MOV10L1: variants seen among roughly 807,000 people sequenced by gnomAD.
MOV10L1 encodes RNA helicase Mov10l1.
In MOV10L1, 110 loss-of-function variants were observed where a neutral mutation model predicts 143.8. The ratio of observed to expected loss-of-function variants is 0.76; its 90% CI spans 0.66 to 0.90. MOV10L1 has a LOEUF of 0.90. Ranked by LOEUF, MOV10L1 falls within the 40% of genes least tolerant of loss-of-function variation. The probability of loss-of-function intolerance (pLI) is 0.00; values close to 1 mark genes in which losing one functional copy is unlikely to be tolerated. For missense variants in MOV10L1, 1,406 were observed against 1,526.8 expected (o/e 0.92, Z 1.32); for synonymous variants, 593 against 581.1 (o/e 1.02, Z -0.29).
chr22:50,159,731 T>A lies in MOV10L1; in HGVS notation c.3270T>A (p.Val1090=). The part of the protein sequence containing the change: ...LRNVDLMDIK[V]GSVEEFQGQE... ...ATGTTGATCTGATGGATATAAAGGT[T>A]GGATCAGTAGAGGAGTTTCAAGGAC... Residue 1090 remains valine (V), a synonymous_variant, in exon 24 of 27, where the codon GTT becomes GTA. Coordinates refer to ENST00000262794, the MANE Select transcript of MOV10L1 (RefSeq NM_018995.3). This position sits in a 1 kb window ranked among gnomAD's most constrained non-coding sequence, Gnocchi z 4.1. 6.2e-7 allele frequency: 1 copy of A among 1,613,658 alleles called. No individual in the cohort carries two copies. Among genetic ancestry groups the A allele is most frequent in the Non-Finnish European group, 8.5e-7 (1 of 1,179,772 alleles).
At chr22:50,115,279 T>A in intron 8 of MOV10L1, 33 bp downstream of exon 8, 1 of 1,462,614 alleles carries the variant, frequency 6.8e-7, no homozygotes, top group Non-Finnish European at 9.0e-7. Context: ...AGAGCCGCGT[T>A]TTTAAGTTTC....
At chr22:50,161,161 T>C (rs2063550906) in intron 26 of MOV10L1, 106 bp downstream of exon 26, 1 of 1,246,370 alleles carries the variant, frequency 8.0e-7, no homozygotes, top group African/African-American at 1.5e-5. Context: ...ACCTGCAGCC[T>C]TAGCCCTCTG....
intron 6 of MOV10L1, 152 bp downstream of exon 6, chr22:50,113,940 A>C (rs2062095131): frequency 1.4e-6 from 1 of 704,686 alleles, no homozygotes; most frequent in African/African-American, 2.5e-5. Flanking sequence ...TTTTTTTGAG[A>C]CAGCGTCTTG....
chr22:50,130,086 G>A (rs2062627779), intron 13 of MOV10L1, among the ~76,000 whole-genome samples: 2 of 152,090 alleles, frequency 1.3e-5, no homozygotes, highest in South Asian at 2.1e-4. Flanking sequence ...GACCAGCCTG[G>A]CCAACATGGG....
intron 1 of MOV10L1, 160 bp downstream of exon 1, chr22:50,090,345 G>T (rs1231388543): frequency 6.0e-6 from 9 of 1,506,170 alleles, no homozygotes; most frequent in Non-Finnish European, 6.2e-6. Flanking sequence ...TTCGCCTCAG[G>T]AGGCTTCCGA....
chr22:50,143,148 GTCCCC>G lies in MOV10L1; in HGVS notation c.2290_2294del (p.Leu764ValfsTer42), dbSNP rs755307753. 2 of 1,614,032 alleles carry G rather than the reference GTCCCC, an allele frequency of 1.2e-6. No homozygotes were observed. Among genetic ancestry groups the G allele is most frequent in the Non-Finnish European group, 8.5e-7 (1 of 1,179,940 alleles). ...AAAAGGATTCTGAGTGGTGACTGCCGTCCCCTCCCGTATATTCTCTTTGGACCTCC... is the reference window on the plus strand; with the variant it reads ...AAAAGGATTCTGAGTGGTGACTGCCGTCCCGTATATTCTCTTTGGACCTCC... On this transcript the variant is annotated frameshift_variant, in exon 17 of 27. Transcript: ENST00000262794. LOFTEE classifies it high-confidence loss of function.
chr22:50,104,602 A>C (rs1419224575), intron 3 of MOV10L1, among the ~76,000 whole-genome samples: 1 of 152,126 alleles, frequency 6.6e-6, no homozygotes, highest in Non-Finnish European at 1.5e-5. Context: ...TGGTTAACAG[A>C]GTGATTTTAT....
intron 9 of MOV10L1, 122 bp downstream of exon 9, chr22:50,117,473 G>A (rs2062214127): frequency 1.0e-6 from 1 of 1,000,968 alleles, no homozygotes; most frequent in Admixed American, 2.7e-5. Context: ...GGATGAAGCT[G>A]GGGTTCAAGC....
At chr22:50,121,397 G>A (rs953258890) in intron 10 of MOV10L1, among the ~76,000 whole-genome samples, 9 of 152,158 alleles carry the variant, frequency 5.9e-5, no homozygotes, top group South Asian at 2.1e-4. Flanking sequence ...TCTGGCAGAC[G>A]CCCCAGTGGC....
chr22:50,103,056 G>C (rs2061785658), intron 3 of MOV10L1, among the ~76,000 whole-genome samples: 1 of 152,216 alleles, frequency 6.6e-6, no homozygotes, highest in Non-Finnish European at 1.5e-5. Flanking sequence ...CGGGAGGAGG[G>C]TCCAGGTAAT....
intron 3 of MOV10L1, among the ~76,000 whole-genome samples, chr22:50,104,476 A>G (rs777358915): frequency 1.6e-4 from 24 of 152,224 alleles, no homozygotes; most frequent in Non-Finnish European, 3.1e-4. Context: ...ACGGCCCCTC[A>G]CAGCCGGAGC....
At chr22:50,128,272 C>T (rs1403184288) in intron 12 of MOV10L1, 144 bp from the exon 13 acceptor site, 14 of 589,154 alleles carry the variant, frequency 2.4e-5, no homozygotes, top group South Asian at 1.6e-4. Context: ...AATCGAATGG[C>T]GTAATGATTT....
rs774506338 is a variant in MOV10L1 at position 50,092,032 on chromosome 22, C to T, written c.129C>T (p.Val43=). 43 of 1,613,968 alleles carry T rather than the reference C, an allele frequency of 2.7e-5. No individual in the cohort carries two copies. The highest frequency in any genetic ancestry group is 3.3e-4 in the Middle Eastern group (2 of 6,062). Residue 43 remains valine, a synonymous_variant, in exon 2 of 27, where the codon GTC becomes GTT. Coordinates refer to ENST00000262794, the MANE Select transcript of MOV10L1 (RefSeq NM_018995.3). ...CTAAGCTGAAAACTGTACGGGGTGT[C>T]GTGACAAGGTACTGCAGCGATTATG... ...GDTKLKTVRG[V]VTRYCSDYGM...
chr22:50,155,263 G>GTTTTT (rs199534596), intron 22 of MOV10L1, among the ~76,000 whole-genome samples: 1 of 137,854 alleles, frequency 7.3e-6, no homozygotes, highest in Non-Finnish European at 1.6e-5. Flanking sequence ...TGTTTTGTGG[G>GTTTTT]TTTTTTTTTT....
At chr22:50,161,304 G>A (rs528692417) in intron 26 of MOV10L1, 64 bp from the exon 27 acceptor site, 4 of 1,353,486 alleles carry the variant, frequency 3.0e-6, no homozygotes, top group Non-Finnish European at 4.0e-6. Flanking sequence ...TGGGAAAAGA[G>A]TGCAGCTCCC....
intron 2 of MOV10L1, among the ~76,000 whole-genome samples, chr22:50,096,932 T>C (rs940612928): frequency 1.3e-5 from 2 of 152,226 alleles, no homozygotes; most frequent in Admixed American, 1.3e-4. Context: ...GTCTTTTCAC[T>C]TTCTTCATGG....
chr22:50,144,106 G>C lies in MOV10L1; in HGVS notation c.2368G>C (p.Ala790Pro), dbSNP rs770497573. 6.2e-7 allele frequency: 1 copy of C among 1,608,878 alleles called. No individual in the cohort carries two copies. The highest frequency in any genetic ancestry group is 8.5e-7 in the Non-Finnish European group (1 of 1,175,554). Residue 790 changes from alanine (A) to proline (P), a missense_variant, in exon 18 of 27, where the codon GCC becomes CCC. By Grantham distance (27) the Ala-to-Pro change is conservative. Around this residue, in one of 3 missense-constraint regions of MOV10L1, gnomAD observed 1,233 missense variants for 1,351.4 expected, o/e 0.91. Transcript: ENST00000262794. Reference sequence around the variant, plus strand: ...TGTGTCTTTGATGAAGGTACACTTTGCCTTGCCGGACAGTCGGATTTTAGT... The same window carrying C: ...TGTGTCTTTGATGAAGGTACACTTTCCCTTGCCGGACAGTCGGATTTTAGT... ...IIEAVLQVHFALPDSRILVCA... is the reference protein window; with the variant it reads ...IIEAVLQVHFPLPDSRILVCA...
At chr22:50,090,478 G>A (rs1490802191) in intron 1 of MOV10L1, 2 of 1,610,328 alleles carry the variant, frequency 1.2e-6, no homozygotes, top group East Asian at 2.2e-5. Context: ...GTCTCTCCAT[G>A]TCGTTCCTCC....
intron 9 of MOV10L1, among the ~76,000 whole-genome samples, chr22:50,117,740 G>A (rs899272322): frequency 1.3e-5 from 2 of 152,174 alleles, no homozygotes; most frequent in Non-Finnish European, 2.9e-5. Flanking sequence ...CGCACTGGGG[G>A]CAACAGGATT....
Sources: allele counts gnomAD v4.1 joint callset (sites outside exome capture counted in the v4.1 genomes callset), GRCh38; gene constraint gnomAD v4.1.1; regional missense constraint gnomAD v4.1.1; non-coding constraint Gnocchi (gnomAD v3.1); transcripts MANE v1.5; gene names NCBI Gene and HGNC (gene_info 2026-07-23, HGNC 2026-07-21).